Variants in TNS1 observed in about 807,000 individuals in gnomAD.
TNS1 encodes the protein tensin-1.
A neutral mutation model predicts 168.6 loss-of-function variants in TNS1; 62 were observed. The observed-to-expected ratio is 0.37, with a 90% confidence interval of 0.30 to 0.45. The LOEUF (loss-of-function observed/expected upper bound fraction) is 0.45, where lower values mean the gene tolerates loss of function less well. TNS1 is among the 20% of genes least tolerant of loss of function. TNS1 has a pLI of 1.00. For missense variants in TNS1, 2,240 were observed against 2,339.4 expected, an observed-to-expected ratio of 0.96 and a Z score of 0.88; for synonymous variants, 934 against 933.2, an observed-to-expected ratio of 1.00 and a Z score of -0.02.
At chr2:217,825,661 A>C (rs1187995512) in intron 22 of TNS1, among the ~76,000 whole-genome samples, 3 of 152,140 alleles carry the variant, frequency 2.0e-5, no homozygotes, top group Middle Eastern at 3.4e-3. Context: ...GGACACAGCC[A>C]AGCCTGTGGC....
chr2:217,961,440 G>T (rs993970344), intron 3 of TNS1, among the ~76,000 whole-genome samples: 1 of 152,076 alleles, frequency 6.6e-6, no homozygotes, highest in Non-Finnish European at 1.5e-5. Flanking sequence ...TCCCCAGGAG[G>T]AGTGAAAACT....
At chr2:217,889,835 C>T (rs956043784) in intron 12 of TNS1, among the ~76,000 whole-genome samples, 2 of 152,264 alleles carry the variant, frequency 1.3e-5, no homozygotes, top group Admixed American at 6.5e-5. Context: ...CAGAGCTGGG[C>T]CTGCGTCCCA....
At chr2:217,915,352 T>C (rs1367598786) in intron 4 of TNS1, among the ~76,000 whole-genome samples, 2 of 152,196 alleles carry the variant, frequency 1.3e-5, no homozygotes, top group African/African-American at 4.8e-5. Flanking sequence ...CCTGTTTCTT[T>C]ATCTGCAAAA....
chr2:217,994,705 G>C (rs4674233), intron 1 of TNS1, among the ~76,000 whole-genome samples: 45,017 of 152,140 alleles, frequency 0.3, 7,899 homozygotes, highest in African/African-American at 0.46. Context: ...GCCTGCCCTG[G>C]CAGCCCAGCC....
intron 2 of TNS1, among the ~76,000 whole-genome samples, chr2:217,979,745 G>C (rs1957993740): frequency 6.6e-6 from 1 of 152,106 alleles, no homozygotes; most frequent in Non-Finnish European, 1.5e-5. Context: ...ACTGCTTTGG[G>C]TCTTGTTGGC....
At position 217,885,034 on chromosome 2, in the gene TNS1, C is replaced by T. The variant is rs1424379722; in HGVS notation, c.1246+1G>A. ...CCCCCAGCTCCACTCAAGGAGCGCA[C>T]CTTTGAAAGCATCATCAAGGTCCTC... On this transcript the variant is annotated splice_donor_variant, in intron 16 of 32. Transcript: ENST00000682258. LOFTEE classifies it high-confidence loss of function. The T allele has an allele frequency of 6.2e-7, 1 of 1,614,264 alleles. No homozygotes were observed. Among genetic ancestry groups the T allele is most frequent in the Admixed American group, 1.7e-5 (1 of 60,034 alleles).
In TNS1 at chr2:217,818,310, G is replaced by A. The variant is rs1942249249; in HGVS notation, c.4022C>T (p.Ala1341Val). The change falls in exon 24 of 33, where the codon GCA becomes GTA. Residue 1341 changes from alanine (A) to valine (V), a missense_variant. Physicochemically the swap from Ala to Val is moderately conservative, Grantham distance 64. Transcript: ENST00000682258. ...GCTGGGGCTCCCCGGGGTGGTCGCT[G>A]CACTGCTCTGGGGGCTGGAGACAGT... ...GSTVSSPQSSAATTPGSPSLC... is the reference protein window; with the variant it reads ...GSTVSSPQSSVATTPGSPSLC... 1 of 1,613,720 alleles carries A rather than the reference G, an allele frequency of 6.2e-7. No individual in the cohort carries two copies. The highest frequency in any genetic ancestry group is 8.5e-7 in the Non-Finnish European group (1 of 1,179,914).
chr2:217,912,135 C>T (rs1030303749), intron 4 of TNS1, among the ~76,000 whole-genome samples: 1 of 152,228 alleles, frequency 6.6e-6, no homozygotes, highest in African/African-American at 2.4e-5. Flanking sequence ...GGCCTTTCTG[C>T]TGGAAGGTTG....
intron 1 of TNS1, among the ~76,000 whole-genome samples, chr2:218,031,484 TTG>T (rs1300547820): frequency 6.7e-6 from 1 of 150,300 alleles, no homozygotes; most frequent in East Asian, 2.0e-4. Flanking sequence ...TGAGTGTGTG[TTG>T]TGTGTGAGCA....
chr2:217,886,415 C>T (rs1465935340), intron 13 of TNS1, 119 bp downstream of exon 13: 8 of 802,826 alleles, frequency 1.0e-5, no homozygotes, highest in South Asian at 1.6e-5. Flanking sequence ...CCAATGGAGG[C>T]CTTATGACTC....
chr2:217,999,166 T>A (rs1419449652), intron 1 of TNS1, among the ~76,000 whole-genome samples: 1 of 152,166 alleles, frequency 6.6e-6, no homozygotes, highest in Admixed American at 6.5e-5. Flanking sequence ...GGACCCCACA[T>A]GTCCTGCCCC....
At chr2:217,842,370 A>C (rs1158241386) in intron 19 of TNS1, among the ~76,000 whole-genome samples, 7 of 152,110 alleles carry the variant, frequency 4.6e-5, no homozygotes, top group Admixed American at 4.6e-4. Flanking sequence ...ACTGCTCTTC[A>C]TAAATTGTTA....
rs1951687306 is a variant in TNS1, at chr2:217,890,996, T to C, written c.832A>G (p.Lys278Glu). ...GATGGCTGGCCAATGGGCACAATCTTATCCTCATAGAACCGCTTCATTGCA... is the reference window on the plus strand; with the variant it reads ...GATGGCTGGCCAATGGGCACAATCTCATCCTCATAGAACCGCTTCATTGCA... ...RFAMKRFYED[K>E]IVPIGQPSQR... The change falls in exon 12 of 33, where the codon AAG (lysine) becomes GAG (glutamate). Residue 278 changes from lysine (K) to glutamate (E), a missense_variant. Transcript: ENST00000682258. 2 of 1,614,066 alleles carry C rather than the reference T, an allele frequency of 1.2e-6. No individual in the cohort carries two copies. The highest frequency in any genetic ancestry group is 1.7e-5 in the Admixed American group (1 of 60,000).
chr2:217,998,165 G>A (rs1443784503), intron 1 of TNS1, among the ~76,000 whole-genome samples: 1 of 152,012 alleles, frequency 6.6e-6, no homozygotes, highest in Non-Finnish European at 1.5e-5. Context: ...CTGCCCAAGA[G>A]CCTTTAGCTC....
intron 24 of TNS1, among the ~76,000 whole-genome samples, chr2:217,817,259 T>C (rs1420861305): frequency 6.6e-6 from 1 of 152,146 alleles, no homozygotes; most frequent in Non-Finnish European, 1.5e-5. Context: ...TGTATGATAC[T>C]AGACAAGTGA....
chr2:217,821,086 T>A (rs1187787521), intron 23 of TNS1, among the ~76,000 whole-genome samples: 1 of 152,176 alleles, frequency 6.6e-6, no homozygotes, highest in Non-Finnish European at 1.5e-5. Context: ...CCTCGCTGCA[T>A]CCCTAGCCAG....
chr2:217,854,186 C>T (rs756072580), intron 18 of TNS1, among the ~76,000 whole-genome samples: 65 of 152,286 alleles, frequency 4.3e-4, no homozygotes, highest in Middle Eastern at 6.8e-3. Flanking sequence ...AGCTGATCAG[C>T]ACTTTGGGCT....
intron 12 of TNS1, among the ~76,000 whole-genome samples, chr2:217,889,154 G>T (rs1040388142): frequency 2.0e-5 from 3 of 152,206 alleles, no homozygotes; most frequent in African/African-American, 7.2e-5. Flanking sequence ...CTGTCTCCAG[G>T]GCCCTAACCA....
At chr2:217,830,300 C>A (rs1559186109) in intron 22 of TNS1, 51 of 1,605,666 alleles carry the variant, frequency 3.2e-5, no homozygotes, top group Non-Finnish European at 4.3e-5. Flanking sequence ...TGCCGACACT[C>A]TGAGTGGGAG....
Sources: allele counts gnomAD v4.1 joint callset (sites outside exome capture counted in the v4.1 genomes callset), GRCh38; gene constraint gnomAD v4.1.1; transcripts MANE v1.5; gene names NCBI Gene and HGNC (gene_info 2026-07-23, HGNC 2026-07-21).